Variants in LINC00632 observed in about 807,000 individuals in gnomAD.
LINC00632 encodes the protein long independently transcribed non-coding RNA 632, also known as ALDOA related specific transcript.
chrX:140,722,140 C>T (rs1170804768), intron 2 of LINC00632, among the ~76,000 whole-genome samples: 2 of 111,118 alleles, frequency 1.8e-5, no homozygotes, highest in Non-Finnish European at 3.8e-5. Flanking sequence ...TCAGAAAACC[C>T]CAGAGTGTAG....
At chrX:140,776,586 G>A (rs1931875525) in exon 5 of LINC00632, among the ~76,000 whole-genome samples, 1 of 112,627 alleles carries the variant, frequency 8.9e-6, no homozygotes, top group African/African-American at 3.2e-5. Context: ...TGGCCTGTCC[G>A]CATCCGCCGC....
intron 2 of LINC00632, among the ~76,000 whole-genome samples, chrX:140,724,529 C>CACAAACATTCCGT (rs1930878472): frequency 2.9e-4 from 1 of 3,404 alleles, no homozygotes; most frequent in African/African-American, 9.4e-4. Flanking sequence ...ACACATTCCA[C>CACAAACATTCCGT]ACACACATTC....
exon 5 of LINC00632, chrX:140,784,020 T>C (rs1931978104): frequency 8.3e-7 from 1 of 1,209,543 alleles, no homozygotes; most frequent in Non-Finnish European, 1.1e-6. Flanking sequence ...TTCCCTTAAA[T>C]CTATAGCTTC....
intron 1 of LINC00632, among the ~76,000 whole-genome samples, chrX:140,710,798 T>C (rs1299970742): frequency 4.5e-5 from 5 of 111,292 alleles, no homozygotes; most frequent in African/African-American, 1.6e-4. Flanking sequence ...ATGAAAAAGC[T>C]TAAAAGAAAG....
chrX:140,718,348 A>C (rs2148377360), intron 2 of LINC00632, among the ~76,000 whole-genome samples: 1 of 109,988 alleles, frequency 9.1e-6, no homozygotes, highest in East Asian at 2.9e-4. Context: ...ACAGAATTGC[A>C]TCATAGTGAA....
intron 2 of LINC00632, among the ~76,000 whole-genome samples, chrX:140,723,689 T>TTCCATAC (rs2148380472): frequency 0.017 from 2 of 119 alleles, no homozygotes; most frequent in Non-Finnish European, 0.035. Context: ...TACACACACA[T>TTCCATAC]AGACACACAT....
intron 2 of LINC00632, among the ~76,000 whole-genome samples, chrX:140,725,769 A>C: frequency 9.0e-6 from 1 of 111,657 alleles, no homozygotes; most frequent in Non-Finnish European, 1.9e-5. Flanking sequence ...ATAGAGCAAC[A>C]CTCAGATGTG....
intron 3 of LINC00632, among the ~76,000 whole-genome samples, chrX:140,764,864 G>A (rs1481352071): frequency 2.7e-5 from 3 of 110,663 alleles, no homozygotes; most frequent in Admixed American, 1.9e-4. Context: ...CTCGGCTCCC[G>A]GCTTCCTCCT....
intron 2 of LINC00632, among the ~76,000 whole-genome samples, chrX:140,731,746 C>CAT (rs10658608): frequency 0.56 from 62,002 of 110,190 alleles, 14,140 homozygotes; most frequent in African/African-American, 0.87. Flanking sequence ...AAGGACAAAA[C>CAT]GTCCACATGG....
chrX:140,779,739 T>TGCATTGCTACGTAAAGCCAAAGATATAA (rs1931910515), exon 5 of LINC00632, among the ~76,000 whole-genome samples: 1 of 112,364 alleles, frequency 8.9e-6, no homozygotes, highest in African/African-American at 3.2e-5. Flanking sequence ...TCATCTTTCT[T>TGCATTGCTACGTAAAGCCAAAGATATAA]GCATTGCTAC....
chrX:140,777,137 T>G (rs1931882456), exon 5 of LINC00632, among the ~76,000 whole-genome samples: 1 of 46,253 alleles, frequency 2.2e-5, no homozygotes. Context: ...CAGGGGCCTG[T>G]TGGGGGGTGG....
At chrX:140,713,637 C>CA (rs1295749423) in intron 2 of LINC00632, 1 of 340,192 alleles carries the variant, frequency 2.9e-6, no homozygotes, top group Non-Finnish European at 5.9e-6. Flanking sequence ...AGACTCTTCT[C>CA]ACAGTACACA....
At position 140,720,686 on chromosome X, in the gene LINC00632, C is replaced by T. The variant is rs925302100; in HGVS notation, n.104+9030C>T. ...CATTGTATGTATTATCGGACATGTC[C>T]GTATATTTTGGGGACAACTGAACTT... On this transcript the variant is annotated intron_variant and non_coding_transcript_variant, in intron 2 of 4. Coordinates refer to ENST00000648200, the Ensembl canonical transcript of LINC00632. Among the ~76,000 whole-genome samples the T allele has an allele frequency of 3.6e-5, 4 of 111,930 alleles. No homozygotes were observed. The East Asian group carries it at 8.4e-4, about 24-fold the overall frequency.
At chrX:140,783,782 G>T (rs761806615) in exon 5 of LINC00632, 12 of 1,206,129 alleles carry the variant, frequency 9.9e-6, no homozygotes, top group Non-Finnish European at 1.2e-5. Context: ...TCTTCCTGAA[G>T]ATCCACGTCT....
chrX:140,724,559 A>G (rs915734368), intron 2 of LINC00632, among the ~76,000 whole-genome samples: 16 of 93,840 alleles, frequency 1.7e-4, no homozygotes, highest in African/African-American at 6.1e-4. Context: ...ACACACTTCC[A>G]TACACAGAGA....
At chrX:140,785,184 T>TATAATAATAATA (rs777271354) in exon 5 of LINC00632, among the ~76,000 whole-genome samples, 11 of 104,795 alleles carry the variant, frequency 1.0e-4, no homozygotes, top group African/African-American at 3.8e-4. Flanking sequence ...ATAATAATAA[T>TATAATAATAATA]ATAATAATAA....
chrX:140,719,682 G>A (rs1174456727), intron 2 of LINC00632, among the ~76,000 whole-genome samples: 1 of 110,646 alleles, frequency 9.0e-6, no homozygotes, highest in Non-Finnish European at 1.9e-5. Context: ...ATCCCACAAA[G>A]GATGGTCCAC....
At chrX:140,780,028 A>G (rs906655133) in exon 5 of LINC00632, among the ~76,000 whole-genome samples, 2 of 111,437 alleles carry the variant, frequency 1.8e-5, no homozygotes, top group African/African-American at 6.5e-5. Context: ...TCCTGCCTCT[A>G]CCAATTACCA....
intron 2 of LINC00632, among the ~76,000 whole-genome samples, chrX:140,722,661 C>T (rs1256895342): frequency 9.0e-6 from 1 of 110,996 alleles, no homozygotes; most frequent in Non-Finnish European, 1.9e-5. Flanking sequence ...CTTATATCAC[C>T]CAGTCTAGCT....
Sources: allele counts gnomAD v4.1 joint callset (sites outside exome capture counted in the v4.1 genomes callset), GRCh38; gene constraint gnomAD v4.1.1; transcripts MANE v1.5; gene names NCBI Gene and HGNC (gene_info 2026-07-23, HGNC 2026-07-21).